FAM186A: variants seen among roughly 807,000 people sequenced by gnomAD.
FAM186A encodes family with sequence similarity 186 member A, also known as protein FAM186A.
Under a neutral mutation model 216.8 loss-of-function variants are expected in FAM186A, and 163 were observed. The ratio of observed to expected loss-of-function variants is 0.75; its 90% CI spans 0.66 to 0.86. FAM186A has a LOEUF of 0.86. Among genes scored for constraint, FAM186A ranks in the 40% least tolerant of loss-of-function variants. FAM186A has a pLI of 0.00. For missense variants in FAM186A, 2,184 were observed against 2,746.2 expected (o/e 0.80, Z 4.58); for synonymous variants, 805 against 1,025.3 (o/e 0.79, Z 4.10).
chr12:50,378,300 G>A (rs891166160), intron 1 of FAM186A, among the ~76,000 whole-genome samples: 1 of 151,884 alleles, frequency 6.6e-6, no homozygotes, highest in African/African-American at 2.4e-5. Flanking sequence ...GGAGGCCGAG[G>A]TGGGTGGATC....
At chr12:50,332,271 AT>A (rs2138757547) in intron 5 of FAM186A, among the ~76,000 whole-genome samples, 1 of 152,358 alleles carries the variant, frequency 6.6e-6, no homozygotes, top group Non-Finnish European at 1.5e-5. Context: ...ATATTAGCTG[AT>A]TTGGTATTTA....
At chr12:50,330,000 T>A (rs538056627) in intron 7 of FAM186A, among the ~76,000 whole-genome samples, 1 of 152,314 alleles carries the variant, frequency 6.6e-6, no homozygotes, top group South Asian at 2.1e-4. Flanking sequence ...AATTCTTGAT[T>A]TAGAATATTA....
At chr12:50,348,392 GTA>G (rs1490536789) in intron 4 of FAM186A, among the ~76,000 whole-genome samples, 1 of 150,352 alleles carries the variant, frequency 6.7e-6, no homozygotes, top group Non-Finnish European at 1.5e-5. Context: ...CTGATTTTTT[GTA>G]TTTTTTTTAA....
intron 4 of FAM186A, among the ~76,000 whole-genome samples, chr12:50,346,237 A>AAAGAAAGAAAGAAAGAAAAAGAAAGAAAG (rs1383898895): frequency 9.8e-6 from 1 of 102,184 alleles, no homozygotes; most frequent in Non-Finnish European, 2.0e-5. Context: ...AAGAAAGAAA[A>AAAGAAAGAAAGAAAGAAAAAGAAAGAAAG]AAAGAAAGAA....
chr12:50,331,942 C>G lies in FAM186A; in HGVS notation c.6697-121G>C, dbSNP rs1158346065. 3 of 797,516 alleles carry G rather than the reference C, an allele frequency of 3.8e-6. No homozygotes were observed. The Admixed American group carries it at 1.0e-4, about 27-fold the overall frequency. 49.4% of individuals were successfully genotyped at this position (797,516 alleles called of 1,614,324 possible). On this transcript the variant is annotated intron_variant, in intron 5 of 7. Transcript: ENST00000327337. ...CTCCTTTTCCATGGATTTGCAAATC[C>G]TCTCCCTACTCCACCCACCTCCAAC...
intron 4 of FAM186A, among the ~76,000 whole-genome samples, chr12:50,337,924 A>AAACG (rs771884839): frequency 6.8e-5 from 10 of 147,920 alleles, no homozygotes; most frequent in African/African-American, 2.4e-4. Flanking sequence ...ATAAACAAAC[A>AAACG]AAATCTGAGC....
chr12:50,329,744 A>T (rs1001548515), intron 7 of FAM186A, among the ~76,000 whole-genome samples: 1 of 152,000 alleles, frequency 6.6e-6, no homozygotes, highest in African/African-American at 2.4e-5. Context: ...TTACAGACGT[A>T]CACCATCATG....
intron 6 of FAM186A, among the ~76,000 whole-genome samples, chr12:50,331,138 G>A (rs139304587): frequency 4.5e-4 from 68 of 152,162 alleles, no homozygotes; most frequent in Admixed American, 1.4e-3. Context: ...TTGTTTTTTA[G>A]TAAGAAAGAA....
rs559457303 is a variant in FAM186A, at chr12:50,350,423, T to C, written c.6409A>G (p.Arg2137Gly). 6 of 1,551,594 alleles carry C rather than the reference T, an allele frequency of 3.9e-6. No homozygotes were observed. In the African/African-American group the frequency reaches 4.1e-5, roughly 11 times the overall value. Residue 2137 changes from arginine (R) to glycine (G), a missense_variant, in exon 4 of 8, where the codon AGG (arginine) becomes GGG (glycine). By Grantham distance (125) the Arg-to-Gly change is moderately radical. This residue lies in a region of FAM186A where 721 missense variants were observed against 816.4 expected (regional missense o/e 0.88). Coordinates refer to ENST00000327337, the MANE Select transcript of FAM186A (RefSeq NM_001145475.3). ...TGAAGTATCTCAATTATGAGAGTCCTAGCCATTGTGTGTAGCTGTGAAGGG... is the reference window on the plus strand; with the variant it reads ...TGAAGTATCTCAATTATGAGAGTCCCAGCCATTGTGTGTAGCTGTGAAGGG... ...GLPSQLHTMA[R>G]TLIIEILHMD... is the part of the protein sequence containing the mutation.
chr12:50,381,730 T>G (rs1474728687), intron 1 of FAM186A, among the ~76,000 whole-genome samples: 1 of 151,930 alleles, frequency 6.6e-6, no homozygotes, highest in Non-Finnish European at 1.5e-5. Context: ...AAGGCCAAGG[T>G]GGGAAGATCA....
rs2136090303 is a variant in FAM186A, at chr12:50,350,691, T to C, written c.6141A>G (p.Pro2047=). The part of the protein sequence containing the change: ...LLTLMKPTTS[P]SSLTTLLRTS... ...TTCTGAGTAGAGTAGTGAGAGAAGATGGTGATGTTGTTGGCTTCATGAGAG... is the reference window on the plus strand; with the variant it reads ...TTCTGAGTAGAGTAGTGAGAGAAGACGGTGATGTTGTTGGCTTCATGAGAG... Residue 2047 remains proline, a synonymous_variant, in exon 4 of 8, where the codon CCA becomes CCG. Transcript: ENST00000327337. 1 of 1,551,562 alleles carries C rather than the reference T, an allele frequency of 6.4e-7. No individual in the cohort carries two copies. The highest frequency in any genetic ancestry group is 2.4e-5 in the East Asian group (1 of 40,916).
chr12:50,381,223 A>C (rs1396309012), intron 1 of FAM186A, among the ~76,000 whole-genome samples: 1 of 152,210 alleles, frequency 6.6e-6, no homozygotes, highest in African/African-American at 2.4e-5. Flanking sequence ...TGTCACCTGC[A>C]ACATGGCAAG....
rs375665933 is a variant in FAM186A, at chr12:50,332,103, T to C, written c.6697-282A>G. 5.9e-5 allele frequency among the ~76,000 whole-genome samples: 9 copies of C among 152,318 alleles called. No homozygotes were observed. In the East Asian group the frequency reaches 9.6e-4, roughly 16 times the overall value. On this transcript the variant is annotated intron_variant, in intron 5 of 7. Transcript: ENST00000327337. ...ATTTATCTGCACTTCTTTCTCCTCATTTCTAAAACAGGGATAATAACACAG... is the reference window on the plus strand; with the variant it reads ...ATTTATCTGCACTTCTTTCTCCTCACTTCTAAAACAGGGATAATAACACAG...
At chr12:50,385,551 G>A (rs1943295053) in intron 1 of FAM186A, among the ~76,000 whole-genome samples, 1 of 151,896 alleles carries the variant, frequency 6.6e-6, no homozygotes, top group South Asian at 2.1e-4. Context: ...ATAGACAAAT[G>A]GTATTACATC....
Position 50,343,596 on chromosome 12 carries a change from A to G in FAM186A, c.6503+6733T>C, listed in dbSNP as rs557114275. On this transcript the variant is annotated intron_variant, in intron 4 of 7. Coordinates refer to ENST00000327337, the MANE Select transcript of FAM186A (RefSeq NM_001145475.3). ...GGACTACAGCGAACCCAGCTAATCC[A>G]TGGGTTTTTGTTTTCTCTCTCTTTT... Among the ~76,000 whole-genome samples, 6 of 148,964 alleles carry G rather than the reference A, an allele frequency of 4.0e-5. No individual in the cohort carries two copies. In the South Asian group the frequency reaches 1.3e-3, roughly 32 times the overall value.
At chr12:50,387,725 G>A (rs1943317381) in intron 1 of FAM186A, among the ~76,000 whole-genome samples, 1 of 152,146 alleles carries the variant, frequency 6.6e-6, no homozygotes, top group Non-Finnish European at 1.5e-5. Context: ...CTGTACACAA[G>A]GCTGGCAGAG....
At chr12:50,358,922 C>CAAA (rs71441361) in intron 3 of FAM186A, among the ~76,000 whole-genome samples, 3,693 of 118,448 alleles carry the variant, frequency 0.031, 156 homozygotes, top group African/African-American at 0.096. Context: ...GACTCTGTCT[C>CAAA]AAAAAAAAAA....
At chr12:50,337,708 C>A (rs1018043959) in intron 4 of FAM186A, among the ~76,000 whole-genome samples, 2 of 151,728 alleles carry the variant, frequency 1.3e-5, no homozygotes, top group Admixed American at 6.6e-5. Context: ...CCATCCTGGC[C>A]AACACGGTGA....
In FAM186A at chr12:50,331,666, A is replaced by T. The variant is rs1565877909; in HGVS notation, c.6848+4T>A. On this transcript the variant is annotated splice_donor_region_variant and intron_variant, in intron 6 of 7. Transcript: ENST00000327337. The stretch of plus-strand genomic sequence containing the variant: ...AGTTTAATATCAGTCTTTCTAGCAC[A>T]TACCTAAATTTCTTGCATATGTCAG... 1 of 1,537,766 alleles carries T rather than the reference A, an allele frequency of 6.5e-7. No individual in the cohort carries two copies. Among genetic ancestry groups the T allele is most frequent in the Non-Finnish European group, 8.7e-7 (1 of 1,144,078 alleles).
Sources: gnomAD v4.1 joint callset for allele counts (sites outside exome capture counted in the v4.1 genomes callset) on GRCh38, gnomAD v4.1.1 for gene constraint, gnomAD v4.1.1 regional missense constraint, MANE v1.5 for transcripts, NCBI Gene and HGNC (gene_info 2026-07-23, HGNC 2026-07-21) for gene names.